TLCD3B: variants seen among roughly 807,000 people sequenced by gnomAD.
TLCD3B encodes TLC domain containing 3B.
A neutral mutation model predicts 23.0 loss-of-function variants in TLCD3B; 9 were observed. The ratio of observed to expected loss-of-function variants is 0.39; its 90% CI spans 0.24 to 0.68. The LOEUF (loss-of-function observed/expected upper bound fraction) is 0.68. Among genes scored for constraint, TLCD3B ranks in the 30% least tolerant of loss-of-function variants. The pLI, the probability that TLCD3B is intolerant of heterozygous loss-of-function variation, is 0.44. For missense variants in TLCD3B, 307 were observed against 371.8 expected (o/e 0.83, Z 1.43); for synonymous variants, 161 against 161.0 (o/e 1.00, Z 0.00).
chr16:30,029,627 C>A lies in TLCD3B; in HGVS notation c.126-112G>T. 1.1e-6 allele frequency: 1 copy of A among 907,542 alleles called. No individual in the cohort carries two copies. Among genetic ancestry groups the A allele is most frequent in the Non-Finnish European group, 1.7e-6 (1 of 573,492 alleles). The allele number at this position is 907,542 out of a possible 1,614,324, so 56.2% of individuals were successfully genotyped here. On this transcript the variant is annotated intron_variant, in intron 1 of 4. Coordinates refer to ENST00000380495, the MANE Select transcript of TLCD3B (RefSeq NM_031478.6). This position sits in a 1 kb window ranked among gnomAD's most constrained non-coding sequence, Gnocchi z 4.6. ...GCTTTGCGTTCAGCCACTTCTCGGG[C>A]CAGTCCTTGCCTGCCTTCGCCCAAG...
Position 30,026,752 on chromosome 16 carries a change from G to C in TLCD3B, c.301C>G (p.Gln101Glu). The C allele has an allele frequency of 6.2e-7, 1 of 1,614,162 alleles. No homozygotes were observed. The highest frequency in any genetic ancestry group is 8.5e-7 in the Non-Finnish European group (1 of 1,180,028). ...AMFLCHWHKH[Q>E]VKGHGGDDGA... ...TCGTCCCCTCCATGCCCTTTGACCTGGTGCTTGTGCCAGTGACAGAGGAAC... is the reference window on the plus strand; with the variant it reads ...TCGTCCCCTCCATGCCCTTTGACCTCGTGCTTGTGCCAGTGACAGAGGAAC... Residue 101 changes from glutamine to glutamate, a missense_variant, in exon 3 of 5, where the codon CAG becomes GAG. Physicochemically the swap from Gln to Glu is conservative, Grantham distance 29. Transcript: ENST00000380495.
intron 1 of TLCD3B, chr16:30,030,097 C>T (rs1265432658): frequency 2.1e-6 from 3 of 1,396,786 alleles, no homozygotes; most frequent in East Asian, 3.8e-5. Flanking sequence ...TGGCCTCAGT[C>T]CCTAATGTCT....
chr16:30,030,939 A>AGGGGGT lies in TLCD3B; in HGVS notation c.-418_-413dup, dbSNP rs1207009113. The AGGGGGT allele has an allele frequency of 7.8e-4, 4 of 5,118 alleles. No homozygotes were observed. The highest frequency in any genetic ancestry group is 3.0e-3 in the African/African-American group (4 of 1,316). The allele number at this position is 5,118 out of a possible 1,614,324, so 0.3% of individuals were successfully genotyped here. On this transcript the variant is annotated 5_prime_UTR_variant, in exon 1 of 5. Transcript: ENST00000380495. ...GCTGGGAGGGCCCGAGGAGGCGGGGAGGGGGTGGGGGTGGGTCTGAGTACC... is the reference window on the plus strand; with the variant it reads ...GCTGGGAGGGCCCGAGGAGGCGGGGAGGGGGTGGGGGTGGGGGTGGGTCTGAGTACC...
chr16:30,043,420 G>T (rs910187160), intron 2 of TLCD3B, among the ~76,000 whole-genome samples: 3 of 151,818 alleles, frequency 2.0e-5, no homozygotes. Context: ...TACAGATGGG[G>T]GTCTCGATTT....
chr16:30,029,945 G>A lies in TLCD3B; in HGVS notation c.126-430C>T. On this transcript the variant is annotated intron_variant, in intron 1 of 4. Transcript: ENST00000380495. This position sits in a 1 kb window ranked among gnomAD's most constrained non-coding sequence, Gnocchi z 4.6. ...ACCCTTTGTGACCCCGAGTTCCCCA[G>A]TCACTTTCCCACTGTCTCCTGACTG... 1 of 1,058,630 alleles carries A rather than the reference G, an allele frequency of 9.4e-7. No individual in the cohort carries two copies. Among genetic ancestry groups the A allele is most frequent in the Non-Finnish European group, 1.3e-6 (1 of 764,234 alleles). 65.6% of individuals were successfully genotyped at this position (1,058,630 alleles called of 1,614,324 possible). A position where few individuals can be genotyped will look rare whatever the true frequency, so the allele number is the denominator to read the frequency against.
chr16:30,029,640 G>T lies in TLCD3B; in HGVS notation c.126-125C>A. 1.2e-6 allele frequency: 1 copy of T among 831,834 alleles called. No homozygotes were observed. Among genetic ancestry groups the T allele is most frequent in the Non-Finnish European group, 2.0e-6 (1 of 510,574 alleles). 51.5% of individuals were successfully genotyped at this position (831,834 alleles called of 1,614,324 possible). Reference sequence around the variant, plus strand: ...CCACTTCTCGGGCCAGTCCTTGCCTGCCTTCGCCCAAGGCTGGGCTGCCTG... The same window carrying T: ...CCACTTCTCGGGCCAGTCCTTGCCTTCCTTCGCCCAAGGCTGGGCTGCCTG... On this transcript the variant is annotated intron_variant, in intron 1 of 4. Coordinates refer to ENST00000380495, the MANE Select transcript of TLCD3B (RefSeq NM_031478.6). This position sits in a 1 kb window ranked among gnomAD's most constrained non-coding sequence, Gnocchi z 4.6.
At chr16:30,027,993 A>T (rs2071222743) in intron 2 of TLCD3B, among the ~76,000 whole-genome samples, 1 of 152,210 alleles carries the variant, frequency 6.6e-6, no homozygotes, top group Non-Finnish European at 1.5e-5. Context: ...GGACGGTACC[A>T]GGGAAAAGGG....
chr16:30,024,916 CCCT>C lies in TLCD3B; in HGVS notation c.*264_*266del. 2.4e-6 allele frequency: 1 copy of C among 413,044 alleles called. No individual in the cohort carries two copies. Among genetic ancestry groups the C allele is most frequent in the Middle Eastern group, 6.1e-4 (1 of 1,628 alleles). 25.6% of individuals were successfully genotyped at this position (413,044 alleles called of 1,614,324 possible). ...CCCTGTTGGTGTCCCTCCCCACAAG[CCCT>C]CCTGCCCTCAGTGGGTGGGAGGCGG... On this transcript the variant is annotated 3_prime_UTR_variant, in exon 5 of 5. Transcript: ENST00000380495.
chr16:30,040,581 G>A (rs1242062179), intron 3 of TLCD3B, among the ~76,000 whole-genome samples: 1 of 152,032 alleles, frequency 6.6e-6, no homozygotes, highest in Non-Finnish European at 1.5e-5. Context: ...AGGGAAAAAG[G>A]GGAAGAGAAG....
intron 1 of TLCD3B, among the ~76,000 whole-genome samples, chr16:30,052,410 A>G (rs1331003459): frequency 6.6e-6 from 1 of 150,854 alleles, no homozygotes; most frequent in African/African-American, 2.5e-5. Flanking sequence ...AGTAAAAAAG[A>G]ACCGGGCCCG....
In TLCD3B at chr16:30,030,684, G is replaced by A; in HGVS notation, c.-157C>T. 2.6e-6 allele frequency: 3 copies of A among 1,166,720 alleles called. No homozygotes were observed. The highest frequency in any genetic ancestry group is 2.4e-5 in the South Asian group (1 of 41,532). The allele number at this position is 1,166,720 out of a possible 1,614,324, so 72.3% of individuals were successfully genotyped here. On this transcript the variant is annotated 5_prime_UTR_variant, in exon 1 of 5. Coordinates refer to ENST00000380495, the MANE Select transcript of TLCD3B (RefSeq NM_031478.6). Reference sequence around the variant, plus strand: ...GGGGCCAGGGCGGGGACGGGATGGGGCCAGGGAGTCCGATGAAACTGGGGA... The same window carrying A: ...GGGGCCAGGGCGGGGACGGGATGGGACCAGGGAGTCCGATGAAACTGGGGA...
chr16:30,035,424 C>T (rs989043763), upstream of TLCD3B: 1 of 1,289,618 alleles, frequency 7.8e-7, no homozygotes, highest in African/African-American at 1.5e-5. Context: ...CAGCGCAGGG[C>T]AGTGAAGCAC....
Position 30,029,192 on chromosome 16 carries a change from C to T in TLCD3B, c.209+240G>A, listed in dbSNP as rs2071275385. ...GGAGACCTGGAAGCCGACTAGAAAGCGCTTTGAGGATCCTCTCTGATCCCC... is the reference window on the plus strand; with the variant it reads ...GGAGACCTGGAAGCCGACTAGAAAGTGCTTTGAGGATCCTCTCTGATCCCC... On this transcript the variant is annotated intron_variant, in intron 2 of 4. Transcript: ENST00000380495. The surrounding 1 kb of genome is among the most constrained non-coding windows in gnomAD (Gnocchi z 4.6). 6.6e-6 allele frequency among the ~76,000 whole-genome samples: 1 copy of T among 152,174 alleles called. No individual in the cohort carries two copies. The highest frequency in any genetic ancestry group is 2.4e-5 in the African/African-American group (1 of 41,436).
chr16:30,049,916 T>A (rs1453119433), intron 1 of TLCD3B, among the ~76,000 whole-genome samples: 3 of 129,524 alleles, frequency 2.3e-5, no homozygotes, highest in African/African-American at 9.1e-5. Flanking sequence ...AGAGCAAGAC[T>A]CCATCTCAAA....
intron 2 of TLCD3B, among the ~76,000 whole-genome samples, chr16:30,028,438 A>G (rs1312740839): frequency 3.3e-5 from 5 of 151,852 alleles, no homozygotes; most frequent in African/African-American, 7.2e-5. Flanking sequence ...AAGGCTGGGG[A>G]GGAAGTGCTG....
At chr16:30,047,982 A>G (rs918140871) in intron 1 of TLCD3B, among the ~76,000 whole-genome samples, 1 of 151,752 alleles carries the variant, frequency 6.6e-6, no homozygotes, top group Non-Finnish European at 1.5e-5. Flanking sequence ...TCTCTACTAA[A>G]TATACAAAAA....
intron 3 of TLCD3B, chr16:30,036,424 G>C (rs1488840707): frequency 7.9e-7 from 1 of 1,270,066 alleles, no homozygotes; most frequent in Non-Finnish European, 1.0e-6. Flanking sequence ...GGGGAGCAGA[G>C]GTGTGGAGCA....
rs778337633 is a variant in TLCD3B at position 30,025,291 on chromosome 16, C to T, written c.717G>A (p.Ala239=). The T allele has an allele frequency of 3.4e-5, 53 of 1,551,844 alleles. No homozygotes were observed. The highest frequency in any genetic ancestry group is 9.9e-5 in the Admixed American group (5 of 50,416). Residue 239 remains alanine (A), a synonymous_variant, in exon 5 of 5, where the codon GCG becomes GCA. Coordinates refer to ENST00000380495, the MANE Select transcript of TLCD3B (RefSeq NM_031478.6). This position sits in a 1 kb window ranked among gnomAD's most constrained non-coding sequence, Gnocchi z 4.1. ...AGTAGAGCTGAGGGGCCAGGAGCAG[C>T]GCAGCGCCCAGGTTGACGTGGGCAG... ...AIPAHVNLGA[A]LLLAPQLYWF... is the part of the protein sequence containing the mutation.
At chr16:30,052,720 A>C (rs2071785974) in intron 1 of TLCD3B, 1 of 150,884 alleles carries the variant, frequency 6.6e-6, no homozygotes, top group Non-Finnish European at 1.5e-5. Context: ...TAAATAAATA[A>C]ATAAATAAAT....
Sources: gnomAD v4.1 joint callset for allele counts (sites outside exome capture counted in the v4.1 genomes callset) on GRCh38, gnomAD v4.1.1 for gene constraint, Gnocchi (gnomAD v3.1) non-coding constraint, MANE v1.5 for transcripts, NCBI Gene and HGNC (gene_info 2026-07-23, HGNC 2026-07-21) for gene names.